The following SLIT3 variants were observed in gnomAD, a reference collection of about 807,000 sequenced individuals.
The protein encoded by SLIT3 is slit guidance ligand 3, also known as slit homolog 3 protein.
In SLIT3, 68 loss-of-function variants were observed where a neutral mutation model predicts 184.0. That is an observed-to-expected ratio of 0.37 (90% CI 0.30 to 0.45). The LOEUF (loss-of-function observed/expected upper bound fraction) is 0.45, where lower values mean the gene tolerates loss of function less well. Among genes scored for constraint, SLIT3 ranks in the 20% least tolerant of loss-of-function variants. The pLI, the probability that SLIT3 is intolerant of heterozygous loss-of-function variation, is 1.00. For synonymous variants in SLIT3, 831 were observed against 828.6 expected, an observed-to-expected ratio of 1.00 and a Z score of -0.05; for missense variants, 1,707 against 2,026.0, an observed-to-expected ratio of 0.84 and a Z score of 3.02.
intron 4 of SLIT3, among the ~76,000 whole-genome samples, chr5:168,933,297 A>T (rs1325680484): frequency 6.6e-6 from 1 of 152,184 alleles, no homozygotes; most frequent in Non-Finnish European, 1.5e-5. Context: ...TAATCCTGGC[A>T]CTTTGGGAGG....
At chr5:168,856,989 G>C (rs895646085) in intron 5 of SLIT3, among the ~76,000 whole-genome samples, 3 of 151,914 alleles carry the variant, frequency 2.0e-5, no homozygotes, top group Non-Finnish European at 4.4e-5. Context: ...ATGGTGGGGG[G>C]GCCTGGTGAA....
chr5:168,925,270 A>G (rs1761778977), intron 4 of SLIT3, among the ~76,000 whole-genome samples: 1 of 152,134 alleles, frequency 6.6e-6, no homozygotes, highest in Non-Finnish European at 1.5e-5. Context: ...AACTTGCAGG[A>G]ATAGCATTGC....
chr5:169,138,671 T>C (rs1242823858), intron 4 of SLIT3, among the ~76,000 whole-genome samples: 1 of 152,216 alleles, frequency 6.6e-6, no homozygotes, highest in Non-Finnish European at 1.5e-5. Flanking sequence ...ACGTCTGGGA[T>C]AGAGCTTGTC....
At chr5:168,693,682 T>G (rs1047119328) in intron 28 of SLIT3, among the ~76,000 whole-genome samples, 3 of 152,156 alleles carry the variant, frequency 2.0e-5, no homozygotes, top group African/African-American at 7.2e-5. Context: ...CGGGGAAAGC[T>G]GCCTTAGCTC....
chr5:169,159,329 G>A (rs1190122005), intron 4 of SLIT3, among the ~76,000 whole-genome samples: 1 of 152,230 alleles, frequency 6.6e-6, no homozygotes, highest in Non-Finnish European at 1.5e-5. Context: ...AGGAGGCTGA[G>A]GCAAGAGAAT....
intron 14 of SLIT3, among the ~76,000 whole-genome samples, chr5:168,763,146 G>A (rs957797616): frequency 3.9e-5 from 6 of 152,088 alleles, no homozygotes; most frequent in African/African-American, 7.2e-5. Context: ...GCTTTGACGG[G>A]GGCTATGCCA....
intron 11 of SLIT3, among the ~76,000 whole-genome samples, chr5:168,788,018 A>G (rs1756221566): frequency 6.6e-6 from 1 of 152,128 alleles, no homozygotes; most frequent in African/African-American, 2.4e-5. Flanking sequence ...ATGCTCACAT[A>G]TATTTCAGAA....
chr5:169,006,726 C>T (rs1327530690), intron 4 of SLIT3, among the ~76,000 whole-genome samples: 2 of 152,086 alleles, frequency 1.3e-5, no homozygotes, highest in Non-Finnish European at 2.9e-5. Flanking sequence ...TCTTCACCTC[C>T]ATTTGTCTTT....
intron 29 of SLIT3, among the ~76,000 whole-genome samples, chr5:168,692,230 G>A (rs1582535529): frequency 6.6e-6 from 1 of 152,194 alleles, no homozygotes; most frequent in East Asian, 1.9e-4. Flanking sequence ...TTTAGACGCT[G>A]CTTCCCCAGT....
At chr5:169,025,304 T>C (rs1756773946) in intron 4 of SLIT3, among the ~76,000 whole-genome samples, 1 of 152,180 alleles carries the variant, frequency 6.6e-6, no homozygotes, top group Non-Finnish European at 1.5e-5. Context: ...AAAGGTAACT[T>C]AGACTCCAGA....
intron 4 of SLIT3, among the ~76,000 whole-genome samples, chr5:168,944,415 C>G (rs771553305): frequency 1.3e-5 from 2 of 152,138 alleles, no homozygotes; most frequent in Non-Finnish European, 2.9e-5. Flanking sequence ...CTTCTGAAGG[C>G]GTAGGTATCT....
chr5:168,767,779 T>A (rs1239931044), intron 14 of SLIT3, among the ~76,000 whole-genome samples: 4 of 152,000 alleles, frequency 2.6e-5, no homozygotes, highest in African/African-American at 9.7e-5. Flanking sequence ...CTTGGAAAAA[T>A]GACCTTGGGT....
intron 4 of SLIT3, among the ~76,000 whole-genome samples, chr5:169,125,518 G>T (rs1247717629): frequency 6.6e-6 from 1 of 152,216 alleles, no homozygotes; most frequent in Non-Finnish European, 1.5e-5. Flanking sequence ...AGGGGAGCTT[G>T]TTCCTGACTC....
At chr5:168,733,800 T>TA (rs70976499) in intron 20 of SLIT3, among the ~76,000 whole-genome samples, 63,538 of 145,100 alleles carry the variant, frequency 0.44, 13,589 homozygotes, top group East Asian at 0.62. Context: ...AAAAAAAAAT[T>TA]AAAAAAAAAA....
chr5:168,797,593 A>G (rs993477843), intron 9 of SLIT3, among the ~76,000 whole-genome samples: 6 of 152,230 alleles, frequency 3.9e-5, no homozygotes, highest in African/African-American at 1.4e-4. Flanking sequence ...ATCAAGGAAC[A>G]TGATGTGACG....
chr5:169,056,350 T>C (rs1378037678), intron 4 of SLIT3, among the ~76,000 whole-genome samples: 1 of 152,200 alleles, frequency 6.6e-6, no homozygotes, highest in African/African-American at 2.4e-5. Context: ...ATTCCTCAAT[T>C]ATTATGCCAG....
intron 9 of SLIT3, among the ~76,000 whole-genome samples, chr5:168,799,875 T>C (rs930478722): frequency 6.6e-6 from 1 of 152,248 alleles, no homozygotes; most frequent in African/African-American, 2.4e-5. Context: ...TCAATTTTCC[T>C]AAGGTCAGGT....
At chr5:169,219,584 G>A (rs977911480) in intron 3 of SLIT3, among the ~76,000 whole-genome samples, 1 of 152,162 alleles carries the variant, frequency 6.6e-6, no homozygotes, top group African/African-American at 2.4e-5. Context: ...GAGCTGTGCA[G>A]AGGTGGCAGG....
In SLIT3 at chr5:168,817,454, G is replaced by C; in HGVS notation, c.639C>G (p.His213Gln). ...GGCAGTCGCAGTACAGGTGGTTGGA[G>C]TGGAGGCGCCTGGGAGAGGGCGGGA... Reference protein sequence around the residue: ...HMPKIRTLRLHSNHLYCDCHL... With the variant: ...HMPKIRTLRLQSNHLYCDCHL... Residue 213 changes from histidine (H) to glutamine (Q), a missense_variant, in exon 8 of 36, where the codon CAC becomes CAG. By Grantham distance (24) the His-to-Gln change is conservative. Around this residue, in one of 3 missense-constraint regions of SLIT3, gnomAD observed 1,307 missense variants for 1,511.6 expected, o/e 0.86. Coordinates refer to ENST00000519560, the MANE Select transcript of SLIT3 (RefSeq NM_003062.4). 1.2e-6 allele frequency: 2 copies of C among 1,614,052 alleles called. No homozygotes were observed. Among genetic ancestry groups the C allele is most frequent in the South Asian group, 1.1e-5 (1 of 91,068 alleles).
Sources: allele counts gnomAD v4.1 joint callset (sites outside exome capture counted in the v4.1 genomes callset), GRCh38; gene constraint gnomAD v4.1.1; regional missense constraint gnomAD v4.1.1; transcripts MANE v1.5; gene names NCBI Gene and HGNC (gene_info 2026-07-23, HGNC 2026-07-21).